TMPRSS3: variants seen among roughly 807,000 people sequenced by gnomAD.
TMPRSS3 encodes transmembrane protease serine 3.
In TMPRSS3, 55 loss-of-function variants were observed where a neutral mutation model predicts 59.6. The ratio of observed to expected loss-of-function variants is 0.92; its 90% CI spans 0.74 to 1.16. The LOEUF (loss-of-function observed/expected upper bound fraction) is 1.16, where lower values mean the gene tolerates loss of function less well. TMPRSS3 is among the 50% of genes most tolerant of loss of function. TMPRSS3 has a pLI of 0.00. For missense variants in TMPRSS3, 596 were observed against 579.4 expected (o/e 1.03, Z -0.29); for synonymous variants, 257 against 237.7 (o/e 1.08, Z -0.75).
At chr21:42,373,219 C>A (rs371333514) in intron 12 of TMPRSS3, among the ~76,000 whole-genome samples, 3 of 152,318 alleles carry the variant, frequency 2.0e-5, no homozygotes, top group South Asian at 4.1e-4. Context: ...CGTTGACTTT[C>A]CTCACAATGG....
intron 5 of TMPRSS3, among the ~76,000 whole-genome samples, chr21:42,386,776 GGTT>G (rs57468009): frequency 0.4 from 60,685 of 150,104 alleles, 13,445 homozygotes; most frequent in African/African-American, 0.61. Context: ...ACCGTCCTTT[GGTT>G]ATTTATTTAT....
At chr21:42,389,843 T>C in intron 3 of TMPRSS3, 84 bp downstream of exon 3, 1 of 1,063,280 alleles carries the variant, frequency 9.4e-7, no homozygotes, top group South Asian at 1.3e-5. Flanking sequence ...AGCAGCAAAA[T>C]GCTGGGATGA....
intron 2 of TMPRSS3, among the ~76,000 whole-genome samples, chr21:42,391,803 T>C (rs2052738197): frequency 1.3e-5 from 2 of 152,172 alleles, no homozygotes. Flanking sequence ...AGGCTAAATT[T>C]TGGCTTGCAA....
In TMPRSS3 at chr21:42,384,020, C is replaced by T. The variant is rs771095642; in HGVS notation, c.573-7G>A. The stretch of plus-strand genomic sequence containing the variant: ...GCCAGAGGCACATCCCTCCCTAAAG[C>T]GGAGAAAAAGTAGGCTCTGTGAAAA... On this transcript the variant is annotated splice_polypyrimidine_tract_variant and splice_region_variant and intron_variant, in intron 6 of 12. Transcript: ENST00000644384. 39 of 1,613,534 alleles carry T rather than the reference C, an allele frequency of 2.4e-5. No individual in the cohort carries two copies. The highest frequency in any genetic ancestry group is 1.6e-4 in the Middle Eastern group (1 of 6,078).
intron 12 of TMPRSS3, among the ~76,000 whole-genome samples, chr21:42,375,430 C>T (rs909006599): frequency 6.6e-6 from 1 of 151,468 alleles, no homozygotes; most frequent in Non-Finnish European, 1.5e-5. Context: ...CCAGCAGGGG[C>T]TCCTCCTCGC....
chr21:42,395,521 T>C (rs1239026494), intron 1 of TMPRSS3, 53 bp from the exon 2 acceptor site: 15 of 979,728 alleles, frequency 1.5e-5, no homozygotes, highest in Middle Eastern at 4.1e-4. Flanking sequence ...ACTTGTAGCA[T>C]CAGGTGCATC....
chr21:42,373,752 G>A (rs1021516301), intron 12 of TMPRSS3, among the ~76,000 whole-genome samples: 31 of 152,176 alleles, frequency 2.0e-4, no homozygotes, highest in African/African-American at 6.3e-4. Flanking sequence ...GGTCGTCTCC[G>A]CTGTAGTACA....
chr21:42,383,221 G>C (rs770757134), intron 7 of TMPRSS3, 23 bp from the exon 8 acceptor site: 2 of 1,613,638 alleles, frequency 1.2e-6, no homozygotes, highest in Non-Finnish European at 1.7e-6. Flanking sequence ...ACAAAGGCTT[G>C]TGGGTCCACC....
chr21:42,381,932 G>T, intron 9 of TMPRSS3, 133 bp downstream of exon 9: 1 of 1,155,742 alleles, frequency 8.7e-7, no homozygotes, highest in Non-Finnish European at 1.3e-6. Context: ...ACACCAACAT[G>T]AATCAGGAGT....
intron 10 of TMPRSS3, 134 bp from the exon 11 acceptor site, chr21:42,376,817 A>G: frequency 3.6e-6 from 5 of 1,370,934 alleles, no homozygotes; most frequent in East Asian, 2.3e-5. Flanking sequence ...CAACAGCGGA[A>G]AAGGACAGGG....
In TMPRSS3 at chr21:42,388,869, G is replaced by T; in HGVS notation, c.322+60C>A. On this transcript the variant is annotated intron_variant, in intron 4 of 12. Transcript: ENST00000644384. This position sits in a 1 kb window ranked among gnomAD's most constrained non-coding sequence, Gnocchi z 5.1. The stretch of plus-strand genomic sequence containing the variant: ...TTGGACCCATTTTACAGATGGGAAG[G>T]GTCAGGGTTGGCTTCTGCTGCTTCC... 7.1e-7 allele frequency: 1 copy of T among 1,408,772 alleles called. No homozygotes were observed. The highest frequency in any genetic ancestry group is 1.1e-5 in the South Asian group (1 of 87,074). The allele number at this position is 1,408,772 out of a possible 1,614,324, so 87.3% of individuals were successfully genotyped here. A position where few individuals can be genotyped will look rare whatever the true frequency, so the allele number is the denominator to read the frequency against.
chr21:42,393,822 T>C (rs1476382793), intron 2 of TMPRSS3, among the ~76,000 whole-genome samples: 2 of 152,214 alleles, frequency 1.3e-5, no homozygotes, highest in African/African-American at 4.8e-5. Context: ...TAAAACTTTA[T>C]TTACAAAAGA....
intron 2 of TMPRSS3, among the ~76,000 whole-genome samples, chr21:42,390,677 G>A (rs1013215690): frequency 3.3e-5 from 5 of 152,186 alleles, no homozygotes; most frequent in Admixed American, 2.6e-4. Context: ...GCAGTGAGCT[G>A]AGATCGCACT....
chr21:42,391,632 C>T (rs192777843), intron 2 of TMPRSS3, among the ~76,000 whole-genome samples: 4 of 152,322 alleles, frequency 2.6e-5, no homozygotes, highest in East Asian at 1.9e-4. Flanking sequence ...CCTGCACGTG[C>T]GGCATACACA....
Position 42,380,151 on chromosome 21 carries a change from G to T in TMPRSS3, c.1014C>A (p.Cys338Ter). ...CTGTGGCCCCCCATCCTGACGTCCA[G>T]CACACTTTTCCATCGGGGAAGTTCT... ...SEENFPDGKV[C>*]WTSGWGATED... The change falls in exon 10 of 13, where the codon TGC becomes TGA. Residue 338 changes from cysteine (C) to a stop codon, truncating the protein, a stop_gained. Transcript: ENST00000644384. LOFTEE classifies it high-confidence loss of function. 6.2e-7 allele frequency: 1 copy of T among 1,614,176 alleles called. No individual in the cohort carries two copies. The highest frequency in any genetic ancestry group is 8.5e-7 in the Non-Finnish European group (1 of 1,180,014).
intron 2 of TMPRSS3, among the ~76,000 whole-genome samples, chr21:42,391,824 A>G (rs1406488709): frequency 1.3e-5 from 2 of 152,212 alleles, no homozygotes; most frequent in African/African-American, 4.8e-5. Context: ...GTAGGGTGAC[A>G]TCTCAGGCCC....
At chr21:42,376,299 A>C (rs1272758796) in intron 11 of TMPRSS3, among the ~76,000 whole-genome samples, 8 of 152,102 alleles carry the variant, frequency 5.3e-5, no homozygotes, top group Admixed American at 5.2e-4. Flanking sequence ...GTGGTCCCCC[A>C]CAAAGTCAGA....
At chr21:42,395,921 A>AT in intron 1 of TMPRSS3, 21 bp downstream of exon 1, 1 of 518,678 alleles carries the variant, frequency 1.9e-6, no homozygotes, top group African/African-American at 1.9e-5. Context: ...TACCATAAGC[A>AT]TAAGTAGTTT....
At chr21:42,383,624 G>A (rs531091544) in intron 7 of TMPRSS3, 4 of 538,468 alleles carry the variant, frequency 7.4e-6, no homozygotes, top group East Asian at 7.0e-5. Flanking sequence ...TGCCAGGAAC[G>A]AGGGGCACTG....
Sources: allele counts gnomAD v4.1 joint callset (sites outside exome capture counted in the v4.1 genomes callset), GRCh38; gene constraint gnomAD v4.1.1; non-coding constraint Gnocchi (gnomAD v3.1); transcripts MANE v1.5; gene names NCBI Gene and HGNC (gene_info 2026-07-23, HGNC 2026-07-21).